The following INPP4B variants were observed in gnomAD, a reference collection of about 807,000 sequenced individuals.
INPP4B encodes the protein inositol polyphosphate-4-phosphatase type II B.
Under a neutral mutation model 122.5 loss-of-function variants are expected in INPP4B, and 55 were observed. The observed-to-expected ratio is 0.45, with a 90% CI of 0.36 to 0.56. INPP4B has a LOEUF of 0.56. Among genes scored for constraint, INPP4B ranks in the 20% least tolerant of loss-of-function variants. The pLI is 0.00. For synonymous variants in INPP4B, 403 were observed against 388.7 expected, an observed-to-expected ratio of 1.04 and a Z score of -0.43; for missense variants, 1,000 against 1,097.7, an observed-to-expected ratio of 0.91 and a Z score of 1.26.
intron 2 of INPP4B, among the ~76,000 whole-genome samples, chr4:142,678,987 A>C (rs1428132869): frequency 6.6e-6 from 1 of 151,904 alleles, no homozygotes; most frequent in Non-Finnish European, 1.5e-5. Flanking sequence ...TCTAACCAAA[A>C]AAGGAAAATA....
intron 23 of INPP4B, among the ~76,000 whole-genome samples, chr4:142,102,006 C>T (rs1004053457): frequency 2.0e-5 from 3 of 151,978 alleles, no homozygotes; most frequent in African/African-American, 4.8e-5. Flanking sequence ...TAGAGTAAAG[C>T]TCCTCCTTCT....
intron 21 of INPP4B, among the ~76,000 whole-genome samples, chr4:142,116,282 G>A (rs1793347239): frequency 1.3e-5 from 2 of 152,186 alleles, no homozygotes; most frequent in African/African-American, 2.4e-5. Flanking sequence ...GGATATCCAG[G>A]AATTGAACTC....
At chr4:142,584,119 A>G (rs533283726) in intron 2 of INPP4B, among the ~76,000 whole-genome samples, 1 of 152,162 alleles carries the variant, frequency 6.6e-6, no homozygotes, top group Non-Finnish European at 1.5e-5. Context: ...AAAGGAAAAG[A>G]GAATATGAGT....
At chr4:142,591,722 T>C (rs1737544849) in intron 2 of INPP4B, among the ~76,000 whole-genome samples, 1 of 152,210 alleles carries the variant, frequency 6.6e-6, no homozygotes, top group Admixed American at 6.5e-5. Context: ...ATGTTGATAA[T>C]ATGTGCCCTC....
intron 17 of INPP4B, among the ~76,000 whole-genome samples, chr4:142,152,350 C>A (rs1055425295): frequency 7.2e-5 from 11 of 152,004 alleles, no homozygotes; most frequent in African/African-American, 2.7e-4. Flanking sequence ...GCTGGGATTA[C>A]AGGCGTGAGT....
chr4:142,798,846 TTGTGTGTG>T (rs70949190), intron 1 of INPP4B, among the ~76,000 whole-genome samples: 2 of 149,084 alleles, frequency 1.3e-5, no homozygotes, highest in African/African-American at 2.5e-5. Context: ...GTGTATATGT[TTGTGTGTG>T]TGTGTGTGTG....
At chr4:142,417,412 T>C (rs552267625) in intron 5 of INPP4B, among the ~76,000 whole-genome samples, 2 of 152,222 alleles carry the variant, frequency 1.3e-5, no homozygotes, top group African/African-American at 4.8e-5. Flanking sequence ...TACGGAGTCT[T>C]AGTATCTTCA....
At chr4:142,669,096 T>C (rs1053328772) in intron 2 of INPP4B, among the ~76,000 whole-genome samples, 1 of 151,894 alleles carries the variant, frequency 6.6e-6, no homozygotes, top group Admixed American at 6.6e-5. Flanking sequence ...AAAATGATCA[T>C]TAATAAATTT....
chr4:142,128,342 TAC>T (rs3836673), intron 18 of INPP4B, among the ~76,000 whole-genome samples: 3,347 of 147,536 alleles, frequency 0.023, 121 homozygotes, highest in African/African-American at 0.074. Flanking sequence ...CGTACTTTTA[TAC>T]ACACACACAC....
Position 142,829,493 on chromosome 4 carries a change from G to A in INPP4B, c.-254+16716C>T, listed in dbSNP as rs1581011874. 2.0e-5 allele frequency among the ~76,000 whole-genome samples: 3 copies of A among 152,156 alleles called. No individual in the cohort carries two copies. In the East Asian group the frequency reaches 5.8e-4, roughly 29 times the overall value. ...AGCCTCCCTTCTTCTTAATTCCAGT[G>A]ACTTCTCCCTCACTTAGAGTTGTGT... is the stretch of plus-strand genomic sequence containing the variant. On this transcript the variant is annotated intron_variant, in intron 1 of 25. Coordinates refer to ENST00000262992, the MANE Select transcript of INPP4B (RefSeq NM_001101669.3).
chr4:142,736,357 A>T (rs1435901245), intron 1 of INPP4B, among the ~76,000 whole-genome samples: 1 of 152,130 alleles, frequency 6.6e-6, no homozygotes, highest in Non-Finnish European at 1.5e-5. Flanking sequence ...AGTCTGTTAT[A>T]ATTAATAATA....
intron 2 of INPP4B, among the ~76,000 whole-genome samples, chr4:142,720,033 C>G (rs1481166283): frequency 6.6e-6 from 1 of 152,130 alleles, no homozygotes; most frequent in East Asian, 1.9e-4. Flanking sequence ...AGTATCAAAG[C>G]AGAAGTTTAG....
intron 1 of INPP4B, among the ~76,000 whole-genome samples, chr4:142,770,409 G>C (rs1772863103): frequency 6.6e-6 from 1 of 152,100 alleles, no homozygotes; most frequent in African/African-American, 2.4e-5. Context: ...TCAGCTTATA[G>C]AGAAGATGAA....
rs550336921 is a variant in INPP4B, at chr4:142,201,703, GA to G, written c.1072+6721del. Among the ~76,000 whole-genome samples, 295 of 149,028 alleles carry G rather than the reference GA, an allele frequency of 2.0e-3. 1 individual carries two copies. Among genetic ancestry groups the G allele is most frequent in the Middle Eastern group, 3.4e-3 (1 of 290 alleles). On this transcript the variant is annotated intron_variant, in intron 14 of 25. Transcript: ENST00000262992. The stretch of plus-strand genomic sequence containing the variant: ...CCTCCAAAGAGAAAAAAATGTACAA[GA>G]AAAAAAAATAACCTATAAGAAAACA...
intron 21 of INPP4B, among the ~76,000 whole-genome samples, chr4:142,117,279 G>A (rs998009813): frequency 9.3e-5 from 14 of 151,232 alleles, no homozygotes; most frequent in African/African-American, 2.9e-4. Context: ...CCAATCAATA[G>A]AAAAAAAACG....
At chr4:142,764,572 C>G (rs995347816) in intron 1 of INPP4B, among the ~76,000 whole-genome samples, 2 of 152,116 alleles carry the variant, frequency 1.3e-5, no homozygotes, top group African/African-American at 2.4e-5. Flanking sequence ...AAAGAGAAAC[C>G]AGCTGTTCTC....
intron 12 of INPP4B, among the ~76,000 whole-genome samples, chr4:142,209,995 T>C (rs1345565730): frequency 2.0e-5 from 3 of 152,100 alleles, no homozygotes; most frequent in Non-Finnish European, 4.4e-5. Context: ...CTCTACCCTT[T>C]AGCCAAGTTA....
chr4:142,710,667 C>A (rs1189371978), intron 2 of INPP4B, among the ~76,000 whole-genome samples: 1 of 152,204 alleles, frequency 6.6e-6, no homozygotes, highest in Non-Finnish European at 1.5e-5. Flanking sequence ...CTATATCCTC[C>A]ACCTATACCT....
intron 2 of INPP4B, among the ~76,000 whole-genome samples, chr4:142,644,976 A>G (rs1751424589): frequency 6.6e-6 from 1 of 151,176 alleles, no homozygotes; most frequent in Non-Finnish European, 1.5e-5. Context: ...AATTTATTCT[A>G]TGGAGAAAGA....
Sources: allele counts gnomAD v4.1 joint callset (sites outside exome capture counted in the v4.1 genomes callset), GRCh38; gene constraint gnomAD v4.1.1; transcripts MANE v1.5; gene names NCBI Gene and HGNC (gene_info 2026-07-23, HGNC 2026-07-21).